The following CRPPA variants were observed in gnomAD, a reference collection of about 807,000 sequenced individuals.
CRPPA encodes D-ribitol-5-phosphate cytidylyltransferase.
A neutral mutation model predicts 52.0 loss-of-function variants in CRPPA; 43 were observed. The ratio of observed to expected loss-of-function variants is 0.83; its 90% CI spans 0.65 to 1.07. The LOEUF is 1.07. CRPPA is among the 50% of genes least tolerant of loss of function. The pLI is 0.00. For synonymous variants in CRPPA, 250 were observed against 203.5 expected (o/e 1.23, Z -1.94); for missense variants, 629 against 551.7 (o/e 1.14, Z -1.40).
At chr7:16,114,926 C>A (rs562157692) in intron 9 of CRPPA, among the ~76,000 whole-genome samples, 84 of 152,142 alleles carry the variant, frequency 5.5e-4, no homozygotes, top group Non-Finnish European at 1.2e-4. Context: ...AAATAAAATT[C>A]AGTTACCTCA....
intron 9 of CRPPA, among the ~76,000 whole-genome samples, chr7:16,133,102 G>A (rs1782707505): frequency 8.2e-6 from 1 of 122,604 alleles, no homozygotes; most frequent in African/African-American, 2.6e-5. Context: ...AGCACTTGAG[G>A]TCAGGAGTTC....
At chr7:16,365,701 T>C (rs1365728295) in intron 3 of CRPPA, among the ~76,000 whole-genome samples, 1 of 152,034 alleles carries the variant, frequency 6.6e-6, no homozygotes, top group Admixed American at 6.6e-5. Flanking sequence ...AAGTGTGAAA[T>C]GGAAAATAGA....
At chr7:16,131,787 C>T (rs1474087909) in intron 9 of CRPPA, among the ~76,000 whole-genome samples, 1 of 152,116 alleles carries the variant, frequency 6.6e-6, no homozygotes, top group East Asian at 1.9e-4. Context: ...CACCATGTTG[C>T]CCAGGCTGTT....
chr7:16,252,671 G>A (rs1211725483), intron 8 of CRPPA, among the ~76,000 whole-genome samples: 6 of 152,172 alleles, frequency 3.9e-5, no homozygotes, highest in Non-Finnish European at 7.4e-5. Flanking sequence ...AATAGTTTCA[G>A]AAGGAATGGT....
At chr7:16,226,423 C>T (rs1782652916) in intron 8 of CRPPA, among the ~76,000 whole-genome samples, 1 of 151,788 alleles carries the variant, frequency 6.6e-6, no homozygotes, top group Admixed American at 6.6e-5. Context: ...GCCAACTTAA[C>T]ATTTTATTTT....
chr7:16,121,306 A>G (rs927620175), intron 9 of CRPPA, among the ~76,000 whole-genome samples: 1 of 152,088 alleles, frequency 6.6e-6, no homozygotes, highest in Non-Finnish European at 1.5e-5. Context: ...TGAGATTTTA[A>G]ATGATTTGGC....
intron 5 of CRPPA, among the ~76,000 whole-genome samples, chr7:16,297,589 A>G (rs972764246): frequency 6.6e-6 from 1 of 152,212 alleles, no homozygotes. Context: ...ATCACAATCT[A>G]AAACAGGTAA....
chr7:16,324,603 G>A (rs1264328026), intron 3 of CRPPA, among the ~76,000 whole-genome samples: 1 of 152,160 alleles, frequency 6.6e-6, no homozygotes, highest in Non-Finnish European at 1.5e-5. Context: ...TTGCCACCTT[G>A]AAGGCACCTC....
chr7:16,307,157 T>C (rs1784929865), intron 4 of CRPPA, among the ~76,000 whole-genome samples: 1 of 152,168 alleles, frequency 6.6e-6, no homozygotes, highest in African/African-American at 2.4e-5. Context: ...TCATAAAGAT[T>C]TCCAAAGACT....
intron 9 of CRPPA, among the ~76,000 whole-genome samples, chr7:16,177,768 G>A (rs1781331897): frequency 6.6e-6 from 1 of 151,958 alleles, no homozygotes; most frequent in Non-Finnish European, 1.5e-5. Context: ...TTAAACGGAA[G>A]TACACAGGAG....
intron 3 of CRPPA, among the ~76,000 whole-genome samples, chr7:16,309,117 AT>A (rs34294710): frequency 0.22 from 33,851 of 152,100 alleles, 4,718 homozygotes; most frequent in Admixed American, 0.31. Flanking sequence ...AATTATTTAC[AT>A]TTTGTTTATA....
At chr7:16,139,211 G>A (rs1383862787) in intron 9 of CRPPA, among the ~76,000 whole-genome samples, 2 of 152,194 alleles carry the variant, frequency 1.3e-5, no homozygotes, top group Non-Finnish European at 2.9e-5. Context: ...GGAAACAGTA[G>A]TCTAGTCAAA....
At chr7:16,334,215 A>C (rs1375051921) in intron 3 of CRPPA, among the ~76,000 whole-genome samples, 1 of 152,206 alleles carries the variant, frequency 6.6e-6, no homozygotes, top group African/African-American at 2.4e-5. Flanking sequence ...CTTCCCGCAT[A>C]GCCCAGGTGT....
At chr7:16,100,209 A>G (rs1022372066) in intron 9 of CRPPA, among the ~76,000 whole-genome samples, 1 of 152,192 alleles carries the variant, frequency 6.6e-6, no homozygotes, top group Non-Finnish European at 1.5e-5. Flanking sequence ...ATGGTTTCCC[A>G]GTAACTGTCT....
At chr7:16,390,916 C>T (rs1787424977) in intron 2 of CRPPA, among the ~76,000 whole-genome samples, 1 of 152,134 alleles carries the variant, frequency 6.6e-6, no homozygotes, top group Non-Finnish European at 1.5e-5. Context: ...GTCTGTTAGG[C>T]TTAGTTCAGG....
chr7:16,367,121 T>A (rs1786616693), intron 3 of CRPPA, among the ~76,000 whole-genome samples: 1 of 152,146 alleles, frequency 6.6e-6, no homozygotes, highest in Non-Finnish European at 1.5e-5. Context: ...CTCACCCTCC[T>A]GAGGATCTTT....
chr7:16,207,645 A>G (rs1782003467), intron 9 of CRPPA, among the ~76,000 whole-genome samples: 1 of 152,228 alleles, frequency 6.6e-6, no homozygotes, highest in Non-Finnish European at 1.5e-5. Context: ...AATGCCATGT[A>G]CATTAGAAAA....
chr7:16,323,795 C>T (rs1322285299), intron 3 of CRPPA, among the ~76,000 whole-genome samples: 1 of 152,086 alleles, frequency 6.6e-6, no homozygotes, highest in Non-Finnish European at 1.5e-5. Flanking sequence ...ACTACAGATA[C>T]AGGAAATAGA....
At chr7:16,398,672 A>T (rs1022047727) in intron 2 of CRPPA, among the ~76,000 whole-genome samples, 1 of 152,088 alleles carries the variant, frequency 6.6e-6, no homozygotes, top group Non-Finnish European at 1.5e-5. Flanking sequence ...GCTTTGTGAC[A>T]CGTGACATGT....
Sources: allele counts gnomAD v4.1 joint callset (sites outside exome capture counted in the v4.1 genomes callset), GRCh38; gene constraint gnomAD v4.1.1; transcripts MANE v1.5; gene names NCBI Gene and HGNC (gene_info 2026-07-23, HGNC 2026-07-21).